CPED1: variants seen among roughly 807,000 people sequenced by gnomAD.
CPED1 encodes the protein cadherin-like and PC-esterase domain-containing protein 1.
In CPED1, 114 loss-of-function variants were observed where a neutral mutation model predicts 128.2. The ratio of observed to expected loss-of-function variants is 0.89; its 90% CI spans 0.76 to 1.04. CPED1 has a LOEUF of 1.04. CPED1 is among the 50% of genes least tolerant of loss of function. The pLI, the probability that CPED1 is intolerant of heterozygous loss-of-function variation, is 0.00. For synonymous variants in CPED1, 462 were observed against 426.7 expected, an observed-to-expected ratio of 1.08 and a Z score of -1.02; for missense variants, 1,211 against 1,207.1, an observed-to-expected ratio of 1.00 and a Z score of -0.05.
intron 2 of CPED1, among the ~76,000 whole-genome samples, chr7:120,996,503 C>T (rs752957182): frequency 6.6e-6 from 1 of 152,098 alleles, no homozygotes. Context: ...TTCCTCTTCT[C>T]CTTGGCATCT....
chr7:121,109,580 C>G (rs1289455492), intron 7 of CPED1, among the ~76,000 whole-genome samples: 1 of 152,126 alleles, frequency 6.6e-6, no homozygotes, highest in Non-Finnish European at 1.5e-5. Context: ...TTTCCGGAAT[C>G]TAACAGTTCC....
chr7:121,273,265 G>T (rs985867249), intron 22 of CPED1, among the ~76,000 whole-genome samples: 1 of 152,042 alleles, frequency 6.6e-6, no homozygotes, highest in African/African-American at 2.4e-5. Context: ...GCTCACACCT[G>T]TAATCTCAGC....
intron 2 of CPED1, among the ~76,000 whole-genome samples, chr7:121,004,274 G>T (rs1409762678): frequency 2.6e-5 from 4 of 152,204 alleles, no homozygotes; most frequent in African/African-American, 9.6e-5. Flanking sequence ...CTATGCATGG[G>T]ATTGACAATG....
At chr7:121,075,197 A>T (rs1408271897) in intron 5 of CPED1, among the ~76,000 whole-genome samples, 1 of 151,928 alleles carries the variant, frequency 6.6e-6, no homozygotes, top group Non-Finnish European at 1.5e-5. Flanking sequence ...GTTTTATTTT[A>T]TTTTTTTTAG....
intron 4 of CPED1, among the ~76,000 whole-genome samples, chr7:121,058,541 A>C (rs551181677): frequency 6.6e-6 from 1 of 152,336 alleles, no homozygotes; most frequent in African/African-American, 2.4e-5. Context: ...CATTCTTTAC[A>C]GATGAGGAGA....
chr7:121,209,248 A>G (rs1486627779), intron 16 of CPED1, among the ~76,000 whole-genome samples: 1 of 151,938 alleles, frequency 6.6e-6, no homozygotes, highest in Admixed American at 6.6e-5. Context: ...TTCTCAGGTC[A>G]TTGTTTTTAT....
intron 22 of CPED1, among the ~76,000 whole-genome samples, chr7:121,278,399 A>G (rs1649220916): frequency 6.6e-6 from 1 of 152,014 alleles, no homozygotes; most frequent in Non-Finnish European, 1.5e-5. Flanking sequence ...CTATTGCAAT[A>G]TTTTTATCTC....
intron 2 of CPED1, 131 bp from the exon 3 acceptor site, chr7:121,015,533 AG>A: frequency 2.7e-6 from 2 of 747,230 alleles, no homozygotes; most frequent in Non-Finnish European, 4.2e-6. Context: ...AGCCTTTCAG[AG>A]AAACTGCCTT....
chr7:121,018,737 T>C (rs1439340635), intron 3 of CPED1, among the ~76,000 whole-genome samples: 1 of 152,126 alleles, frequency 6.6e-6, no homozygotes, highest in African/African-American at 2.4e-5. Context: ...GATTCTATCA[T>C]TGGATCCGAA....
chr7:121,295,200 G>C (rs1792799256), intron 22 of CPED1, among the ~76,000 whole-genome samples: 1 of 150,154 alleles, frequency 6.7e-6, no homozygotes, highest in South Asian at 2.1e-4. Flanking sequence ...AATCATCTGA[G>C]ACTGTTCCTT....
chr7:121,147,576 A>G (rs189477251), intron 16 of CPED1, among the ~76,000 whole-genome samples: 6 of 152,234 alleles, frequency 3.9e-5, no homozygotes, highest in African/African-American at 1.4e-4. Context: ...TTCCATATCA[A>G]AAAGTTTTGA....
At chr7:121,287,164 A>G (rs1792597116) in intron 22 of CPED1, among the ~76,000 whole-genome samples, 1 of 152,034 alleles carries the variant, frequency 6.6e-6, no homozygotes, top group African/African-American at 2.4e-5. Context: ...GGGACAGAAA[A>G]CCTAACCATA....
chr7:121,185,761 T>G (rs1438532243), intron 16 of CPED1, among the ~76,000 whole-genome samples: 3 of 152,230 alleles, frequency 2.0e-5, no homozygotes, highest in Non-Finnish European at 4.4e-5. Flanking sequence ...GAATTGCTAC[T>G]GCAGATATGA....
chr7:121,217,311 G>A (rs1272030177), intron 16 of CPED1, among the ~76,000 whole-genome samples: 1 of 151,906 alleles, frequency 6.6e-6, no homozygotes, highest in Non-Finnish European at 1.5e-5. Context: ...GCTTTTACAA[G>A]CCAAGCTTGT....
intron 3 of CPED1, among the ~76,000 whole-genome samples, chr7:121,017,302 A>G (rs1792327477): frequency 6.6e-6 from 1 of 152,196 alleles, no homozygotes; most frequent in Non-Finnish European, 1.5e-5. Flanking sequence ...GCTCTGGAGT[A>G]TTATGGAGAT....
chr7:121,050,460 GTTTT>G, intron 4 of CPED1: 1 of 107,986 alleles, frequency 9.3e-6, no homozygotes. Flanking sequence ...GGCAATATAG[GTTTT>G]TTTTTTTTTT....
chr7:121,276,884 A>G (rs926947288), intron 22 of CPED1, among the ~76,000 whole-genome samples: 1 of 152,114 alleles, frequency 6.6e-6, no homozygotes, highest in Admixed American at 6.6e-5. Context: ...CCTGTAGGTG[A>G]TGGAGACCCA....
intron 3 of CPED1, among the ~76,000 whole-genome samples, chr7:121,029,337 A>G (rs80122144): frequency 6.6e-6 from 1 of 152,190 alleles, no homozygotes; most frequent in Non-Finnish European, 1.5e-5. Flanking sequence ...GAAATTTCCC[A>G]TAAGAAACAA....
intron 16 of CPED1, among the ~76,000 whole-genome samples, chr7:121,194,583 T>C (rs1480473770): frequency 1.3e-5 from 2 of 152,158 alleles, no homozygotes; most frequent in African/African-American, 4.8e-5. Flanking sequence ...TCTGTCAAGC[T>C]TTAAAGCTCA....
Sources: gnomAD v4.1 joint callset for allele counts (sites outside exome capture counted in the v4.1 genomes callset) on GRCh38, gnomAD v4.1.1 for gene constraint, MANE v1.5 for transcripts, NCBI Gene and HGNC (gene_info 2026-07-23, HGNC 2026-07-21) for gene names.